The following RBFOX1 variants were observed in gnomAD, a reference collection of about 807,000 sequenced individuals.
RBFOX1 encodes the protein RNA binding protein fox-1 homolog 1.
In RBFOX1, 8 loss-of-function variants were observed where a neutral mutation model predicts 57.7. The observed-to-expected ratio is 0.14, with a 90% CI of 0.08 to 0.25. The LOEUF (loss-of-function observed/expected upper bound fraction) is 0.25, where lower values mean the gene tolerates loss of function less well. RBFOX1 is among the 10% of genes least tolerant of loss of function. The pLI is 1.00. For missense variants in RBFOX1, 611 were observed against 548.5 expected (o/e 1.11, Z -1.14); for synonymous variants, 326 against 222.4 (o/e 1.47, Z -4.15).
At chr16:5,799,939 A>G (rs1280729324) in intron 3 of RBFOX1, among the ~76,000 whole-genome samples, 1 of 152,156 alleles carries the variant, frequency 6.6e-6, no homozygotes, top group Non-Finnish European at 1.5e-5. Context: ...TCTGTTTCAT[A>G]TACTAAATAT....
At chr16:6,471,310 T>G (rs1006096344) in intron 2 of RBFOX1, among the ~76,000 whole-genome samples, 19 of 152,222 alleles carry the variant, frequency 1.2e-4, no homozygotes, top group African/African-American at 4.1e-4. Flanking sequence ...TGCCTTTAGT[T>G]AGAACAAGAG....
intron 1 of RBFOX1, among the ~76,000 whole-genome samples, chr16:6,197,996 A>C (rs1419203043): frequency 6.6e-6 from 1 of 152,134 alleles, no homozygotes; most frequent in Non-Finnish European, 1.5e-5. Flanking sequence ...TGGCTTTTCT[A>C]ACACATTGGA....
chr16:7,567,255 A>ATATATATCCTTATATATATCCC (rs71150315), intron 5 of RBFOX1, among the ~76,000 whole-genome samples: 1 of 84,268 alleles, frequency 1.2e-5, no homozygotes, highest in Non-Finnish European at 2.5e-5. Flanking sequence ...ATATCCCTAT[A>ATATATATCCTTATATATATCCC]TATATATATC....
intron 4 of RBFOX1, among the ~76,000 whole-genome samples, chr16:7,390,123 A>C (rs569584987): frequency 1.3e-5 from 2 of 152,268 alleles, no homozygotes; most frequent in Non-Finnish European, 2.9e-5. Flanking sequence ...GAGGGGCTAC[A>C]TACTTTCAAA....
Position 6,949,842 on chromosome 16 carries a change from G to A in RBFOX1, c.-15-102215G>A, listed in dbSNP as rs112334613. ...TATGAGCAGAACATCTCTTCACCCG[G>A]ACAGAATGCAATTCCAAGCCCCTCT... On this transcript the variant is annotated intron_variant, in intron 3 of 15. Coordinates refer to ENST00000550418, the MANE Select transcript of RBFOX1 (RefSeq NM_018723.4). Among the ~76,000 whole-genome samples the A allele has an allele frequency of 3.9e-3, 588 of 152,030 alleles. 1 individual carries two copies. Among genetic ancestry groups the A allele is most frequent in the Non-Finnish European group, 6.5e-3 (440 of 67,990 alleles).
chr16:5,947,632 T>G lies in RBFOX1; in HGVS notation c.351+80297T>G, dbSNP rs971164540. ...TCCACCATGTCTTGACCCTTCGATTTTAGGTATTTTTATGGCATCCCTTAC... is the reference window on the plus strand; with the variant it reads ...TCCACCATGTCTTGACCCTTCGATTGTAGGTATTTTTATGGCATCCCTTAC... On this transcript the variant is annotated intron_variant, in intron 4 of 19. Transcript: ENST00000641259. This position sits in a 1 kb window ranked among gnomAD's most constrained non-coding sequence, Gnocchi z 7.2. Among the ~76,000 whole-genome samples, 2 of 152,160 alleles carry G rather than the reference T, an allele frequency of 1.3e-5. No individual in the cohort carries two copies. The highest frequency in any genetic ancestry group is 4.8e-5 in the African/African-American group (2 of 41,446).
At chr16:7,277,784 AG>A (rs1454212343) in intron 4 of RBFOX1, among the ~76,000 whole-genome samples, 1 of 152,182 alleles carries the variant, frequency 6.6e-6, no homozygotes, top group Non-Finnish European at 1.5e-5. Flanking sequence ...TATAGAAAAC[AG>A]GAATATCAGT....
chr16:5,783,766 C>G (rs182477821), intron 3 of RBFOX1, among the ~76,000 whole-genome samples: 1 of 152,286 alleles, frequency 6.6e-6, no homozygotes, highest in East Asian at 1.9e-4. Context: ...TCCCTTGTCA[C>G]GAAGAGGCAG....
chr16:7,248,909 A>G (rs1464412723), intron 4 of RBFOX1, among the ~76,000 whole-genome samples: 3 of 152,222 alleles, frequency 2.0e-5, no homozygotes, highest in African/African-American at 7.2e-5. Context: ...TGTATAGCCA[A>G]CAGCCATCGC....
intron 2 of RBFOX1, among the ~76,000 whole-genome samples, chr16:6,584,900 T>TG (rs1403501170): frequency 6.6e-6 from 1 of 152,176 alleles, no homozygotes; most frequent in East Asian, 1.9e-4. Flanking sequence ...TCTCTCTTCC[T>TG]GGGGCAGAGA....
At chr16:6,736,788 C>G (rs2070445381) in intron 3 of RBFOX1, among the ~76,000 whole-genome samples, 2 of 152,174 alleles carry the variant, frequency 1.3e-5, no homozygotes, top group African/African-American at 4.8e-5. Flanking sequence ...GGTGGTGGTT[C>G]TGACCATGTA....
At chr16:6,857,807 G>T (rs148929235) in intron 3 of RBFOX1, among the ~76,000 whole-genome samples, 388 of 152,302 alleles carry the variant, frequency 2.5e-3, no homozygotes, top group African/African-American at 8.7e-3. Flanking sequence ...AGCCCAAGCA[G>T]TGCCTGTTTT....
At chr16:7,483,938 TCA>T (rs1356545978) in intron 4 of RBFOX1, among the ~76,000 whole-genome samples, 1 of 152,242 alleles carries the variant, frequency 6.6e-6, no homozygotes, top group Non-Finnish European at 1.5e-5. Context: ...ATATACAATC[TCA>T]CAGTCTCCAC....
intron 2 of RBFOX1, among the ~76,000 whole-genome samples, chr16:6,539,752 C>G (rs762225124): frequency 6.8e-6 from 1 of 147,606 alleles, no homozygotes; most frequent in South Asian, 2.2e-4. Flanking sequence ...GAGCTGAGAT[C>G]GTGCCACTGC....
chr16:5,369,874 A>C (rs2065814696), intron 1 of RBFOX1, among the ~76,000 whole-genome samples: 1 of 152,110 alleles, frequency 6.6e-6, no homozygotes, highest in South Asian at 2.1e-4. Context: ...ACTTTTAGTG[A>C]CAGAAACCAC....
chr16:6,071,372 A>G (rs2095836004), intron 1 of RBFOX1, among the ~76,000 whole-genome samples: 2 of 152,206 alleles, frequency 1.3e-5, no homozygotes, highest in Admixed American at 6.5e-5. Flanking sequence ...TTGACATGTA[A>G]AGGGCAGAAA....
intron 1 of RBFOX1, among the ~76,000 whole-genome samples, chr16:6,125,509 T>A (rs952880120): frequency 6.6e-6 from 1 of 152,152 alleles, no homozygotes; most frequent in African/African-American, 2.4e-5. Context: ...GGCCCTAAAC[T>A]GAGGATAACC....
intron 1 of RBFOX1, among the ~76,000 whole-genome samples, chr16:5,325,720 G>A (rs1412555168): frequency 6.6e-6 from 1 of 152,162 alleles, no homozygotes; most frequent in African/African-American, 2.4e-5. Context: ...TTCCTTTAGT[G>A]TAATGTCTTG....
At chr16:7,530,605 C>T (rs1184467875) in intron 5 of RBFOX1, among the ~76,000 whole-genome samples, 1 of 152,124 alleles carries the variant, frequency 6.6e-6, no homozygotes, top group Non-Finnish European at 1.5e-5. Flanking sequence ...TGCGTTCCTG[C>T]CAGCTCCAGT....
Sources: gnomAD v4.1 joint callset for allele counts (sites outside exome capture counted in the v4.1 genomes callset) on GRCh38, gnomAD v4.1.1 for gene constraint, Gnocchi (gnomAD v3.1) non-coding constraint, MANE v1.5 for transcripts, NCBI Gene and HGNC (gene_info 2026-07-23, HGNC 2026-07-21) for gene names.